The following CALN1 variants were observed in gnomAD, a reference collection of about 807,000 sequenced individuals.
CALN1 encodes calcium-binding protein 8.
CALN1 carries 17 observed loss-of-function variants against 30.6 expected under a neutral mutation model. That is an observed-to-expected ratio of 0.56 (90% CI 0.38 to 0.83). The LOEUF is 0.83. CALN1 is among the 40% of genes least tolerant of loss of function. CALN1 has a pLI of 0.00. For missense variants in CALN1, 291 were observed against 354.9 expected (o/e 0.82, Z 1.45); for synonymous variants, 156 against 131.4 (o/e 1.19, Z -1.28).
intron 5 of CALN1, among the ~76,000 whole-genome samples, chr7:71,816,869 G>A (rs1788295548): frequency 6.6e-6 from 1 of 152,178 alleles, no homozygotes; most frequent in Non-Finnish European, 1.5e-5. Flanking sequence ...TCAGGAGGCT[G>A]AGGCAGGAGA....
rs537225356 is a variant in CALN1 at position 72,303,814 on chromosome 7, T to C, written c.120-25004A>G. On this transcript the variant is annotated intron_variant, in intron 2 of 6. Coordinates refer to ENST00000395275, the MANE Select transcript of CALN1 (RefSeq NM_031468.4). ...CCCTTGAGCCCAGGAGATCAAGGCTTAGTGAGCTCTGATCATGCCACTGTA... is the reference window on the plus strand; with the variant it reads ...CCCTTGAGCCCAGGAGATCAAGGCTCAGTGAGCTCTGATCATGCCACTGTA... Among the ~76,000 whole-genome samples, 6 of 152,088 alleles carry C rather than the reference T, an allele frequency of 3.9e-5. No homozygotes were observed. The South Asian group carries it at 1.2e-3, about 32-fold the overall frequency.
chr7:72,332,005 C>G (rs1801711472), intron 2 of CALN1, among the ~76,000 whole-genome samples: 1 of 152,204 alleles, frequency 6.6e-6, no homozygotes, highest in Non-Finnish European at 1.5e-5. Flanking sequence ...CCAGCTCCAT[C>G]CATGTCCCTG....
intron 3 of CALN1, among the ~76,000 whole-genome samples, chr7:72,258,814 A>T (rs1430635024): frequency 6.6e-6 from 1 of 151,524 alleles, no homozygotes; most frequent in African/African-American, 2.4e-5. Context: ...GCACTTTGGG[A>T]GGCTGAGACG....
At chr7:72,162,347 A>G (rs1008281230) in intron 3 of CALN1, among the ~76,000 whole-genome samples, 2 of 152,124 alleles carry the variant, frequency 1.3e-5, no homozygotes, top group East Asian at 3.9e-4. Flanking sequence ...AATTCTAAAC[A>G]AAATATGGAA....
At chr7:72,196,492 A>C (rs1791011223) in intron 3 of CALN1, among the ~76,000 whole-genome samples, 1 of 139,288 alleles carries the variant, frequency 7.2e-6, no homozygotes, top group Non-Finnish European at 1.5e-5. Flanking sequence ...ACGGGATTGT[A>C]CAAAAAGTCA....
chr7:71,809,463 T>C (rs1286806013), intron 6 of CALN1, among the ~76,000 whole-genome samples: 1 of 4,906 alleles, frequency 2.0e-4, no homozygotes, highest in Non-Finnish European at 5.0e-4. Flanking sequence ...ATTTAAATGT[T>C]CAAAAAAAAA....
intron 5 of CALN1, among the ~76,000 whole-genome samples, chr7:71,861,200 T>A (rs1791256966): frequency 6.6e-6 from 1 of 152,084 alleles, no homozygotes; most frequent in Non-Finnish European, 1.5e-5. Flanking sequence ...TGCGTGTGTG[T>A]GTGTTACGCT....
At chr7:72,410,353 A>AAAAGAAATCTAAAACT (rs1215319897) in intron 1 of CALN1, among the ~76,000 whole-genome samples, 2 of 152,244 alleles carry the variant, frequency 1.3e-5, no homozygotes, top group African/African-American at 4.8e-5. Flanking sequence ...AAAAGCACAA[A>AAAAGAAATCTAAAACT]AAAGAAATCT....
chr7:71,898,808 G>C lies in CALN1; in HGVS notation c.502-88316C>G, dbSNP rs148772740. ...GATTGCCCTCAAGAAATAGCATCCA[G>C]ATAGAGAAGACTCATCTCAACAACA... On this transcript the variant is annotated intron_variant, in intron 5 of 6. Transcript: ENST00000395275. Among the ~76,000 whole-genome samples the C allele has an allele frequency of 2.7e-3, 415 of 152,296 alleles. 3 individuals carry two copies. The highest frequency in any genetic ancestry group is 9.4e-3 in the African/African-American group (391 of 41,566).
chr7:72,347,575 T>C (rs1378385073), intron 2 of CALN1, among the ~76,000 whole-genome samples: 1 of 151,922 alleles, frequency 6.6e-6, no homozygotes. Flanking sequence ...CAAGACAAAA[T>C]AATAAAAGCA....
At chr7:71,792,309 C>T (rs866480724) in intron 6 of CALN1, among the ~76,000 whole-genome samples, 13 of 152,162 alleles carry the variant, frequency 8.5e-5, no homozygotes, top group African/African-American at 3.1e-4. Context: ...GAGCCAGCCG[C>T]AACCCCCAGC....
intron 2 of CALN1, among the ~76,000 whole-genome samples, chr7:72,377,355 G>A (rs1237589529): frequency 1.3e-5 from 2 of 151,538 alleles, no homozygotes; most frequent in Admixed American, 6.6e-5. Context: ...TCTTTGTCTA[G>A]TAAGTTCACC....
intron 5 of CALN1, among the ~76,000 whole-genome samples, chr7:71,971,439 A>T (rs943740278): frequency 6.6e-6 from 1 of 151,976 alleles, no homozygotes; most frequent in African/African-American, 2.4e-5. Context: ...AACAAGAGCG[A>T]AACTCTGCCT....
chr7:71,919,170 C>G (rs920767642), intron 5 of CALN1, among the ~76,000 whole-genome samples: 1 of 152,174 alleles, frequency 6.6e-6, no homozygotes, highest in Non-Finnish European at 1.5e-5. Flanking sequence ...TAACAGGCAT[C>G]TTATCTTCAG....
chr7:72,353,623 A>C (rs532346730), intron 2 of CALN1, among the ~76,000 whole-genome samples: 1 of 152,170 alleles, frequency 6.6e-6, no homozygotes, highest in Non-Finnish European at 1.5e-5. Flanking sequence ...CATCACACAA[A>C]ATGGTTAAAA....
the CALN1 span, among the ~76,000 whole-genome samples, chr7:72,488,889 G>A: frequency 2.0e-5 from 3 of 152,238 alleles, no homozygotes; most frequent in East Asian, 1.9e-4. Context: ...TCACTATGTT[G>A]CCCAGGCTTC....
Position 72,338,525 on chromosome 7 carries a change from G to GTGTCTGTCTGTC in CALN1, c.120-59716_120-59715insGACAGACAGACA, listed in dbSNP as rs1554378747. Among the ~76,000 whole-genome samples the GTGTCTGTCTGTC allele has an allele frequency of 1.4e-3, 174 of 122,372 alleles. 8 individuals carry two copies. Among genetic ancestry groups the GTGTCTGTCTGTC allele is most frequent in the Middle Eastern group, 8.5e-3 (2 of 236 alleles). The allele number at this position is 122,372 out of a possible 152,430, so 80.3% of individuals were successfully genotyped here. On this transcript the variant is annotated intron_variant, in intron 2 of 6. Transcript: ENST00000395275. ...TGTGTGTGTGTGTGTGTGTGTGTGT[G>GTGTCTGTCTGTC]TGTCTCACCTGGGTGTGGTTTCAGA...
intron 3 of CALN1, among the ~76,000 whole-genome samples, chr7:72,168,949 G>A (rs952600545): frequency 6.6e-6 from 1 of 151,622 alleles, no homozygotes; most frequent in African/African-American, 2.4e-5. Flanking sequence ...GGGATTACAG[G>A]TGCCCCCCAA....
chr7:72,465,825 C>T, the CALN1 span, among the ~76,000 whole-genome samples: 2 of 152,154 alleles, frequency 1.3e-5, no homozygotes, highest in African/African-American at 2.4e-5. Context: ...CCACTCAGAG[C>T]GCGGAATCCC....
Sources: allele counts gnomAD v4.1 joint callset (sites outside exome capture counted in the v4.1 genomes callset), GRCh38; gene constraint gnomAD v4.1.1; transcripts MANE v1.5; gene names NCBI Gene and HGNC (gene_info 2026-07-23, HGNC 2026-07-21).